Variants in ZNF83 observed in about 807,000 individuals in gnomAD.
The protein encoded by ZNF83 is zinc finger protein 816B.
For missense variants in ZNF83, 552 were observed against 629.9 expected (o/e 0.88, Z 1.32); for synonymous variants, 209 against 213.0 (o/e 0.98, Z 0.17).
chr19:52,666,990 C>G (rs539290099), intron 1 of ZNF83, among the ~76,000 whole-genome samples: 9 of 152,256 alleles, frequency 5.9e-5, no homozygotes, highest in African/African-American at 2.2e-4. Context: ...AAAGTAGTTA[C>G]AGAATCAGGA....
intron 1 of ZNF83, among the ~76,000 whole-genome samples, chr19:52,680,512 T>C (rs2061889147): frequency 1.3e-5 from 2 of 152,122 alleles, no homozygotes; most frequent in South Asian, 4.1e-4. Flanking sequence ...TAAGTACTAA[T>C]TTGATCAAAG....
At chr19:52,618,756 C>T (rs10402372) in intron 2 of ZNF83, 192,349 of 1,144,996 alleles carry the variant, frequency 0.17, 20,326 homozygotes, top group East Asian at 0.51. Flanking sequence ...TCATGAAGAA[C>T]GCAGAACATC....
At chr19:52,639,379 C>A (rs537952797), upstream of ZNF83, among the ~76,000 whole-genome samples, 2 of 139,886 alleles carry the variant, frequency 1.4e-5, no homozygotes, top group South Asian at 4.6e-4. Flanking sequence ...AGCCACCGCG[C>A]CCGGCTTATT....
At chr19:52,676,456 A>C (rs1412540977) in intron 1 of ZNF83, among the ~76,000 whole-genome samples, 1 of 151,380 alleles carries the variant, frequency 6.6e-6, no homozygotes, top group Admixed American at 6.6e-5. Flanking sequence ...CTGGGATGTG[A>C]GGAGCCTGCC....
chr19:52,631,796 G>A (rs936983677), intron 2 of ZNF83, among the ~76,000 whole-genome samples: 1 of 152,150 alleles, frequency 6.6e-6, no homozygotes, highest in South Asian at 2.1e-4. Flanking sequence ...CACCAGCAAA[G>A]GCAGGCTATG....
chr19:52,656,555 A>C (rs1313695840), intron 2 of ZNF83, among the ~76,000 whole-genome samples: 1 of 151,708 alleles, frequency 6.6e-6, no homozygotes, highest in Non-Finnish European at 1.5e-5. Context: ...TATATTGCAA[A>C]TAATGTGTTT....
chr19:52,676,271 G>A (rs1433039249), intron 1 of ZNF83, among the ~76,000 whole-genome samples: 4 of 152,310 alleles, frequency 2.6e-5, no homozygotes, highest in African/African-American at 4.8e-5. Context: ...ACGGAGTCTC[G>A]TTCACTCAGT....
intron 2 of ZNF83, among the ~76,000 whole-genome samples, chr19:52,626,548 A>G (rs910729869): frequency 9.9e-5 from 15 of 152,026 alleles, no homozygotes; most frequent in African/African-American, 3.1e-4. Context: ...GTCCCCTGGT[A>G]CCTGTTTTTC....
At chr19:52,672,920 T>C (rs1052769616) in intron 1 of ZNF83, among the ~76,000 whole-genome samples, 4 of 151,998 alleles carry the variant, frequency 2.6e-5, no homozygotes, top group Non-Finnish European at 4.4e-5. Context: ...TAGAACATGA[T>C]AATGGGTACA....
intron 2 of ZNF83, among the ~76,000 whole-genome samples, chr19:52,619,851 C>T (rs2060468761): frequency 6.6e-6 from 1 of 151,988 alleles, no homozygotes; most frequent in South Asian, 2.1e-4. Context: ...CACACCACTG[C>T]ACTCCAGCCT....
intron 2 of ZNF83, among the ~76,000 whole-genome samples, chr19:52,629,661 T>C (rs1374394224): frequency 6.6e-6 from 1 of 151,880 alleles, no homozygotes; most frequent in African/African-American, 2.4e-5. Flanking sequence ...TTTTCTTTAT[T>C]CCAAATCAGA....
intron 1 of ZNF83, among the ~76,000 whole-genome samples, chr19:52,665,526 C>T (rs2061638517): frequency 6.6e-6 from 1 of 152,246 alleles, no homozygotes; most frequent in South Asian, 2.1e-4. Context: ...TTCTAAATTT[C>T]TCTTCAAAGA....
rs139215119 is a variant in ZNF83 at position 52,622,227 on chromosome 19, G to T, written c.-233-7430C>A. Reference sequence around the variant, plus strand: ...ATTTCCTCTTTGAGAAGTGCCTGGAGCTGAGGGCATCGGCAGAGTGCATGT... The same window carrying T: ...ATTTCCTCTTTGAGAAGTGCCTGGATCTGAGGGCATCGGCAGAGTGCATGT... On this transcript the variant is annotated intron_variant, in intron 2 of 2. Transcript: ENST00000301096. Among the ~76,000 whole-genome samples the T allele has an allele frequency of 2.8e-3, 433 of 152,214 alleles. 4 individuals carry two copies. Among genetic ancestry groups the T allele is most frequent in the Middle Eastern group, 0.014 (4 of 294 alleles).
intron 2 of ZNF83, among the ~76,000 whole-genome samples, chr19:52,656,617 G>C (rs7259344): frequency 0.53 from 81,169 of 151,960 alleles, 22,288 homozygotes; most frequent in East Asian, 0.71. Flanking sequence ...CCTATAATCC[G>C]AACACTTATG....
intron 2 of ZNF83, chr19:52,617,634 G>A (rs979890819): frequency 1.3e-5 from 2 of 151,760 alleles, no homozygotes; most frequent in African/African-American, 4.9e-5. Context: ...GGGAGGCTGA[G>A]GCAGGAGAAT....
intron 3 of ZNF83, among the ~76,000 whole-genome samples, chr19:52,643,983 G>T (rs1004085033): frequency 3.3e-5 from 5 of 152,130 alleles, no homozygotes; most frequent in African/African-American, 1.2e-4. Flanking sequence ...ACACTGGCAG[G>T]GGCCCTGGAC....
chr19:52,637,862 G>A (rs410854), intron 1 of ZNF83, among the ~76,000 whole-genome samples: 18,865 of 151,986 alleles, frequency 0.12, 2,007 homozygotes, highest in East Asian at 0.46. Context: ...AGGGAGGTGG[G>A]GGGGAGACGG....
intron 2 of ZNF83, among the ~76,000 whole-genome samples, chr19:52,630,412 G>A (rs1319553132): frequency 3.3e-5 from 5 of 152,082 alleles, no homozygotes; most frequent in Admixed American, 3.3e-4. Context: ...CATAACTGTT[G>A]TGGGTATTGA....
At chr19:52,647,750 A>C (rs1600225323) in intron 3 of ZNF83, among the ~76,000 whole-genome samples, 4 of 142,316 alleles carry the variant, frequency 2.8e-5, no homozygotes, top group African/African-American at 5.3e-5. Context: ...CTTCTCTTCC[A>C]CCTCTTCTGC....
Sources: allele counts gnomAD v4.1 joint callset (sites outside exome capture counted in the v4.1 genomes callset), GRCh38; gene constraint gnomAD v4.1.1; transcripts MANE v1.5; gene names NCBI Gene and HGNC (gene_info 2026-07-23, HGNC 2026-07-21).